The following KHDRBS2 variants were observed in gnomAD, a reference collection of about 807,000 sequenced individuals.
KHDRBS2 encodes KH RNA binding domain containing, signal transduction associated 2.
A neutral mutation model predicts 44.3 loss-of-function variants in KHDRBS2; 26 were observed. The observed-to-expected ratio is 0.59, with a 90% CI of 0.43 to 0.81. The LOEUF (loss-of-function observed/expected upper bound fraction) is 0.81. Ranked by LOEUF, KHDRBS2 falls within the 40% of genes least tolerant of loss-of-function variation. The pLI is 0.00. For synonymous variants in KHDRBS2, 194 were observed against 151.1 expected (o/e 1.28, Z -2.08); for missense variants, 476 against 433.1 (o/e 1.10, Z -0.88).
the KHDRBS2 span, among the ~76,000 whole-genome samples, chr6:61,595,041 T>G: frequency 6.6e-6 from 1 of 152,120 alleles, no homozygotes; most frequent in Admixed American, 6.5e-5. Context: ...CTCTGTTTCC[T>G]TTTCTCTCTC....
chr6:61,901,405 TG>T, intron 4 of KHDRBS2, 34 bp from the exon 5 acceptor site: 1 of 1,565,776 alleles, frequency 6.4e-7, no homozygotes, highest in Non-Finnish European at 8.7e-7. Flanking sequence ...GAGTTAAAAA[TG>T]GGACATGCCG....
chr6:62,025,361 TG>T (rs1783099279), intron 3 of KHDRBS2, among the ~76,000 whole-genome samples: 1 of 151,762 alleles, frequency 6.6e-6, no homozygotes, highest in African/African-American at 2.4e-5. Flanking sequence ...AATTTTTTAA[TG>T]AGAAAAACTT....
At chr6:62,250,921 T>C (rs564660683) in intron 1 of KHDRBS2, among the ~76,000 whole-genome samples, 12 of 152,078 alleles carry the variant, frequency 7.9e-5, no homozygotes, top group Non-Finnish European at 1.3e-4. Context: ...GACTCCTCAA[T>C]AGATCATTTG....
chr6:61,583,733 TA>T, the KHDRBS2 span, among the ~76,000 whole-genome samples: 4 of 151,786 alleles, frequency 2.6e-5, no homozygotes, highest in East Asian at 7.7e-4. Flanking sequence ...AATTAGCTTT[TA>T]AATTTCTAGA....
intron 2 of KHDRBS2, among the ~76,000 whole-genome samples, chr6:62,144,813 G>T (rs1307670894): frequency 2.0e-5 from 3 of 151,928 alleles, no homozygotes; most frequent in African/African-American, 4.8e-5. Context: ...ATGACAGGTG[G>T]TGCCATGGAT....
intron 1 of KHDRBS2, among the ~76,000 whole-genome samples, chr6:62,251,504 G>A (rs1391051606): frequency 1.3e-5 from 2 of 151,576 alleles, no homozygotes; most frequent in African/African-American, 4.8e-5. Context: ...CACATAGACT[G>A]TAAATGGCAG....
At chr6:61,926,048 T>A (rs1365993091) in intron 4 of KHDRBS2, among the ~76,000 whole-genome samples, 10 of 151,832 alleles carry the variant, frequency 6.6e-5, no homozygotes, top group Non-Finnish European at 1.3e-4. Flanking sequence ...TATGAAAACT[T>A]AAGTATTTAT....
chr6:62,257,935 C>T lies in KHDRBS2; in HGVS notation c.91+27923G>A, dbSNP rs1245563524. ...ACCCAGCTTCTGTTCAAGCCTGAAG[C>T]ATGTTTAACTAGTTACCAATAGAAA... On this transcript the variant is annotated intron_variant, in intron 1 of 8. Coordinates refer to ENST00000281156, the MANE Select transcript of KHDRBS2 (RefSeq NM_152688.4). Among the ~76,000 whole-genome samples, 3 of 152,006 alleles carry T rather than the reference C, an allele frequency of 2.0e-5. No individual in the cohort carries two copies. The South Asian group carries it at 6.2e-4, about 31-fold the overall frequency.
intron 4 of KHDRBS2, among the ~76,000 whole-genome samples, chr6:61,908,216 A>T (rs191190798): frequency 1.3e-5 from 2 of 152,284 alleles, no homozygotes; most frequent in Non-Finnish European, 2.9e-5. Flanking sequence ...AGAGTTAGAG[A>T]TAGACAAATA....
At chr6:61,773,771 T>C (rs1180475119) in intron 6 of KHDRBS2, among the ~76,000 whole-genome samples, 1 of 151,630 alleles carries the variant, frequency 6.6e-6, no homozygotes, top group Non-Finnish European at 1.5e-5. Flanking sequence ...GTTTTTATGG[T>C]TTTAGGTCTA....
chr6:61,740,878 G>T (rs913096419), intron 6 of KHDRBS2, among the ~76,000 whole-genome samples: 1 of 151,858 alleles, frequency 6.6e-6, no homozygotes, highest in Non-Finnish European at 1.5e-5. Context: ...TTGAGCTAGA[G>T]ATATGGCTCT....
Position 61,766,165 on chromosome 6 carries a change from G to C in KHDRBS2, c.811-33401C>G, listed in dbSNP as rs376707953. ...AGCTTCAATCTCATTACTGGTTATT[G>C]GTCTGGTCAAATTTTAAATTTCTTC... is the stretch of plus-strand genomic sequence containing the variant. On this transcript the variant is annotated intron_variant, in intron 6 of 8. Coordinates refer to ENST00000281156, the MANE Select transcript of KHDRBS2 (RefSeq NM_152688.4). 5.3e-4 allele frequency among the ~76,000 whole-genome samples: 80 copies of C among 151,302 alleles called. No individual in the cohort carries two copies. The East Asian group carries it at 7.0e-3, about 13-fold the overall frequency.
the KHDRBS2 span, among the ~76,000 whole-genome samples, chr6:61,669,490 T>G: frequency 6.6e-6 from 1 of 150,810 alleles, no homozygotes; most frequent in African/African-American, 2.4e-5. Flanking sequence ...AGCTAAATAT[T>G]TTAAAGAGAA....
the KHDRBS2 span, among the ~76,000 whole-genome samples, chr6:61,600,634 A>G: frequency 6.6e-6 from 1 of 152,240 alleles, no homozygotes; most frequent in Admixed American, 6.5e-5. Flanking sequence ...GACGCGAGTG[A>G]AATTTGGTGC....
At chr6:62,153,820 C>T (rs1430789751) in intron 2 of KHDRBS2, among the ~76,000 whole-genome samples, 1 of 152,112 alleles carries the variant, frequency 6.6e-6, no homozygotes, top group Non-Finnish European at 1.5e-5. Flanking sequence ...TTCTTTGGCT[C>T]CCCTCAAAAC....
chr6:61,545,310 A>G, the KHDRBS2 span, among the ~76,000 whole-genome samples: 3 of 151,920 alleles, frequency 2.0e-5, no homozygotes, highest in Non-Finnish European at 4.4e-5. Context: ...AAGAAGTGAT[A>G]GGCACTAGGC....
At chr6:62,085,526 A>C (rs1798220283) in intron 2 of KHDRBS2, among the ~76,000 whole-genome samples, 1 of 152,204 alleles carries the variant, frequency 6.6e-6, no homozygotes, top group African/African-American at 2.4e-5. Flanking sequence ...CAAGGTCTTT[A>C]ATATGCCACA....
At chr6:61,796,138 A>G (rs1785318352) in intron 6 of KHDRBS2, among the ~76,000 whole-genome samples, 1 of 152,094 alleles carries the variant, frequency 6.6e-6, no homozygotes, top group Non-Finnish European at 1.5e-5. Flanking sequence ...AGATAATAGA[A>G]AATAACTAGT....
chr6:61,743,723 T>A (rs185679897), intron 6 of KHDRBS2, among the ~76,000 whole-genome samples: 1 of 151,946 alleles, frequency 6.6e-6, no homozygotes, highest in Admixed American at 6.6e-5. Context: ...GTTGGTGTGC[T>A]GCACCCATTA....
Sources: gnomAD v4.1 joint callset for allele counts (sites outside exome capture counted in the v4.1 genomes callset) on GRCh38, gnomAD v4.1.1 for gene constraint, MANE v1.5 for transcripts, NCBI Gene and HGNC (gene_info 2026-07-23, HGNC 2026-07-21) for gene names.